Variants in RNF123 observed in about 807,000 individuals in gnomAD.
The protein encoded by RNF123 is E3 ubiquitin-protein ligase RNF123.
Under a neutral mutation model 168.5 loss-of-function variants are expected in RNF123, and 86 were observed. That is an observed-to-expected ratio of 0.51 (90% confidence interval 0.43 to 0.61). RNF123 has a LOEUF of 0.61. RNF123 is among the 20% of genes least tolerant of loss of function. RNF123 has a pLI of 0.00. For synonymous variants in RNF123, 666 were observed against 689.1 expected, an observed-to-expected ratio of 0.97 and a Z score of 0.52; for missense variants, 1,419 against 1,729.7, an observed-to-expected ratio of 0.82 and a Z score of 3.19.
intron 35 of RNF123, chr3:49,719,085 G>C: frequency 6.2e-7 from 1 of 1,613,668 alleles, no homozygotes; most frequent in Non-Finnish European, 8.5e-7. Context: ...CGTCGAGGTC[G>C]TGGCGGCCAA....
At chr3:49,714,305 C>T (rs960867930) in intron 31 of RNF123, 131 bp downstream of exon 31, 30 of 789,904 alleles carry the variant, frequency 3.8e-5, no homozygotes, top group Admixed American at 1.7e-4. Flanking sequence ...AGACTCCCTA[C>T]GTGTCCCCTG....
rs777682332 is a variant in RNF123, at chr3:49,698,492, G to A, written c.536G>A (p.Arg179His). 9.3e-6 allele frequency: 15 copies of A among 1,613,854 alleles called. No individual in the cohort carries two copies. The highest frequency in any genetic ancestry group is 6.7e-5 in the East Asian group (3 of 44,898). ...NSYAYDGNRV[R>H]KWNVTTTNYG... Reference sequence around the variant, plus strand: ...TATGCCTATGATGGCAACCGCGTGCGCAAGTGGAATGTGACCACAACGAAT... The same window carrying A: ...TATGCCTATGATGGCAACCGCGTGCACAAGTGGAATGTGACCACAACGAAT... The change falls in exon 8 of 39, where the codon CGC becomes CAC. Residue 179 changes from arginine to histidine, a missense_variant. Arg to His is a conservative substitution (Grantham distance 29). Around this residue, in one of 5 missense-constraint regions of RNF123, gnomAD observed 318 missense variants for 446.6 expected, o/e 0.71. Coordinates refer to ENST00000327697, the MANE Select transcript of RNF123 (RefSeq NM_022064.5).
chr3:49,708,699 G>T (rs1371441286), intron 26 of RNF123, among the ~76,000 whole-genome samples: 1 of 152,148 alleles, frequency 6.6e-6, no homozygotes, highest in African/African-American at 2.4e-5. Flanking sequence ...TGTCCTCAAG[G>T]TTCATTCGTG....
At chr3:49,704,943 C>G (rs1375400578) in intron 22 of RNF123, 41 bp from the exon 23 acceptor site, 3 of 1,555,514 alleles carry the variant, frequency 1.9e-6, no homozygotes, top group Non-Finnish European at 2.6e-6. Context: ...CCAAGGGAAC[C>G]CTGAGCCAGC....
chr3:49,716,541 AGG>A, intron 35 of RNF123, 64 bp downstream of exon 35: 1 of 1,369,180 alleles, frequency 7.3e-7, no homozygotes, highest in Non-Finnish European at 1.0e-6. Flanking sequence ...GGGGCTGGAC[AGG>A]GCCTCCTGGT....
intron 35 of RNF123, 42 bp downstream of exon 35, chr3:49,716,519 G>A (rs376596236): frequency 6.4e-7 from 1 of 1,557,214 alleles, no homozygotes; most frequent in Non-Finnish European, 8.8e-7. Flanking sequence ...AGTTGGGTGT[G>A]TCTGGTGAGG....
chr3:49,710,005 C>T (rs2080110700), intron 26 of RNF123, among the ~76,000 whole-genome samples: 1 of 151,734 alleles, frequency 6.6e-6, no homozygotes, highest in South Asian at 2.1e-4. Flanking sequence ...TTATTTTCTG[C>T]CCTTTTTTTT....
chr3:49,718,928 G>A (rs770572340), intron 35 of RNF123: 31 of 1,613,628 alleles, frequency 1.9e-5, no homozygotes, highest in Non-Finnish European at 2.5e-5. Context: ...GTGGCGCTCA[G>A]ACCGTGCAGG....
Position 49,705,694 on chromosome 3 carries a change from G to T in RNF123, c.2304+15G>T. ...AGCTGGGCAAGGTCGTGCACTCTTG[G>T]ACCCCGCATTGGGTGGCGGGTGTTG... is the stretch of plus-strand genomic sequence containing the variant. On this transcript the variant is annotated intron_variant, in intron 24 of 38. Coordinates refer to ENST00000327697, the MANE Select transcript of RNF123 (RefSeq NM_022064.5). 6.2e-7 allele frequency: 1 copy of T among 1,614,110 alleles called. No homozygotes were observed. Among genetic ancestry groups the T allele is most frequent in the South Asian group, 1.1e-5 (1 of 91,046 alleles).
Position 49,699,880 on chromosome 3 carries a change from T to G in RNF123, c.984+108T>G. On this transcript the variant is annotated intron_variant, in intron 12 of 38. Coordinates refer to ENST00000327697, the MANE Select transcript of RNF123 (RefSeq NM_022064.5). The surrounding 1 kb of genome is among the most constrained non-coding windows in gnomAD (Gnocchi z 4.8). ...GCTGCAGTGCTGAGGTCCCACAGCA[T>G]CACCTGGCGAGGGCCCCATGTGACC... 1.7e-6 allele frequency: 2 copies of G among 1,179,208 alleles called. No individual in the cohort carries two copies. Among genetic ancestry groups the G allele is most frequent in the Non-Finnish European group, 2.4e-6 (2 of 818,336 alleles). 73.0% of individuals were successfully genotyped at this position (1,179,208 alleles called of 1,614,324 possible). A position where few individuals can be genotyped will look rare whatever the true frequency, so the allele number is the denominator to read the frequency against.
At chr3:49,709,685 C>T (rs1261030279) in intron 26 of RNF123, among the ~76,000 whole-genome samples, 2 of 151,384 alleles carry the variant, frequency 1.3e-5, no homozygotes, top group Non-Finnish European at 2.9e-5. Flanking sequence ...GTGATTCGCC[C>T]GCCTCGGCCT....
At chr3:49,697,072 G>T in intron 3 of RNF123, 71 bp from the exon 4 acceptor site, 1 of 1,303,406 alleles carries the variant, frequency 7.7e-7, no homozygotes, top group South Asian at 1.2e-5. Flanking sequence ...TCAGGGGAAA[G>T]GATGGGATTT....
intron 31 of RNF123, 73 bp from the exon 32 acceptor site, chr3:49,715,502 C>T (rs1205519072): frequency 2.3e-5 from 36 of 1,578,378 alleles, no homozygotes; most frequent in South Asian, 1.0e-4. Context: ...CCTCAATGGG[C>T]GAGGACAGAG....
intron 5 of RNF123, 87 bp downstream of exon 5, chr3:49,697,544 C>T (rs1293793042): frequency 5.4e-6 from 6 of 1,102,194 alleles, no homozygotes; most frequent in African/African-American, 1.6e-5. Flanking sequence ...AGTCTCTCTA[C>T]TCATCTGATG....
chr3:49,719,671 T>C (rs539260678), intron 35 of RNF123: 1 of 557,268 alleles, frequency 1.8e-6, no homozygotes, highest in East Asian at 3.2e-5. Flanking sequence ...CCCTTCGGCT[T>C]CGCTAGCCCT....
At chr3:49,696,637 A>G (rs1374375719) in intron 3 of RNF123, among the ~76,000 whole-genome samples, 1 of 121,384 alleles carries the variant, frequency 8.2e-6, no homozygotes, top group African/African-American at 3.1e-5. Context: ...GCACCTGGCC[A>G]CATACTTTTT....
chr3:49,702,364 A>G lies in RNF123; in HGVS notation c.1588A>G (p.Lys530Glu). The stretch of plus-strand genomic sequence containing the variant: ...AGCTTCTAGGTATATCTTCCTGACC[A>G]AGTTTCGCAAGTTTCTGCAGGAGAA... ...GEASRYIFLT[K>E]FRKFLQENAS... is the part of the protein sequence containing the mutation. The change falls in exon 19 of 39, where the codon AAG (lysine) becomes GAG (glutamate). Residue 530 changes from lysine to glutamate, a missense_variant. By Grantham distance (56) the Lys-to-Glu change is moderately conservative. Around this residue, in one of 5 missense-constraint regions of RNF123, gnomAD observed 349 missense variants for 344.9 expected, o/e 1.01. Coordinates refer to ENST00000327697, the MANE Select transcript of RNF123 (RefSeq NM_022064.5). 6.2e-7 allele frequency: 1 copy of G among 1,614,144 alleles called. No individual in the cohort carries two copies. Among genetic ancestry groups the G allele is most frequent in the Non-Finnish European group, 8.5e-7 (1 of 1,180,004 alleles).
Position 49,721,215 on chromosome 3 carries a change from CAAG to C in RNF123, c.3856_3858del (p.Lys1286del). ...GTATCAACCAGCACCTGATGAACAA[CAAG>C]GACTGCTTCTTCTGCAAAACCACCA... is the stretch of plus-strand genomic sequence containing the variant. On this transcript the variant is annotated inframe_deletion, in exon 39 of 39. Transcript: ENST00000327697. 6.2e-7 allele frequency: 1 copy of C among 1,614,212 alleles called. No individual in the cohort carries two copies. The highest frequency in any genetic ancestry group is 8.5e-7 in the Non-Finnish European group (1 of 1,180,044).
At position 49,720,809 on chromosome 3, in the gene RNF123, A is replaced by T; in HGVS notation, c.3653A>T (p.Tyr1218Phe). 1.2e-6 allele frequency: 2 copies of T among 1,614,202 alleles called. No homozygotes were observed. Among genetic ancestry groups the T allele is most frequent in the Non-Finnish European group, 8.5e-7 (1 of 1,180,034 alleles). ...ACCTACCACTCCCCAGATGCGGATT[A>T]TATCAGTGCCGATGAGCTGGCCCAA... is the stretch of plus-strand genomic sequence containing the variant. The part of the protein sequence containing the change: ...KRFSLQSYAD[Y>F]ISADELAQVE... The change falls in exon 37 of 39, where the codon TAT (tyrosine) becomes TTT (phenylalanine). Residue 1218 changes from tyrosine to phenylalanine, a missense_variant. Coordinates refer to ENST00000327697, the MANE Select transcript of RNF123 (RefSeq NM_022064.5).
Sources: gnomAD v4.1 joint callset for allele counts (sites outside exome capture counted in the v4.1 genomes callset) on GRCh38, gnomAD v4.1.1 for gene constraint, gnomAD v4.1.1 regional missense constraint, Gnocchi (gnomAD v3.1) non-coding constraint, MANE v1.5 for transcripts, NCBI Gene and HGNC (gene_info 2026-07-23, HGNC 2026-07-21) for gene names.